AGBL4: variants seen among roughly 807,000 people sequenced by gnomAD.
AGBL4 encodes cytosolic carboxypeptidase 6.
A neutral mutation model predicts 66.4 loss-of-function variants in AGBL4; 58 were observed. That is an observed-to-expected ratio of 0.87 (90% CI 0.71 to 1.09). The LOEUF is 1.09. Ranked by LOEUF, AGBL4 falls within the 50% of genes least tolerant of loss-of-function variation. The pLI, the probability that AGBL4 is intolerant of heterozygous loss-of-function variation, is 0.00. For synonymous variants in AGBL4, 234 were observed against 222.9 expected, an observed-to-expected ratio of 1.05 and a Z score of -0.44; for missense variants, 579 against 631.0, an observed-to-expected ratio of 0.92 and a Z score of 0.88.
At chr1:49,006,219 G>T (rs1365488015) in intron 5 of AGBL4, among the ~76,000 whole-genome samples, 3 of 152,130 alleles carry the variant, frequency 2.0e-5, no homozygotes, top group Non-Finnish European at 2.9e-5. Flanking sequence ...CTCGGGAAGC[G>T]CAAGGGGTCA....
At chr1:48,725,846 C>T (rs1647238157) in intron 6 of AGBL4, among the ~76,000 whole-genome samples, 5 of 152,152 alleles carry the variant, frequency 3.3e-5, no homozygotes, top group Non-Finnish European at 1.5e-5. Flanking sequence ...TGAAGCCTCC[C>T]GATTACATCA....
intron 5 of AGBL4, among the ~76,000 whole-genome samples, chr1:48,871,158 T>C (rs1648615043): frequency 1.3e-5 from 2 of 152,100 alleles, no homozygotes. Context: ...CATAAAGAAT[T>C]ACCAAATTAT....
At chr1:49,261,539 T>C (rs1444857293) in intron 3 of AGBL4, among the ~76,000 whole-genome samples, 1 of 150,038 alleles carries the variant, frequency 6.7e-6, no homozygotes, top group Non-Finnish European at 1.5e-5. Context: ...AGCCAAATCA[T>C]GAGTGAACTC....
intron 6 of AGBL4, among the ~76,000 whole-genome samples, chr1:48,831,599 C>T (rs893190016): frequency 1.3e-4 from 20 of 152,106 alleles, no homozygotes; most frequent in African/African-American, 4.8e-4. Context: ...ACAATGTATC[C>T]TTTGTTTCTG....
chr1:49,595,145 G>A (rs1257575500), intron 3 of AGBL4, among the ~76,000 whole-genome samples: 1 of 152,116 alleles, frequency 6.6e-6, no homozygotes, highest in East Asian at 1.9e-4. Flanking sequence ...CTGGAGTGCA[G>A]TGGCACGATC....
At chr1:48,874,022 G>C (rs577505871) in intron 5 of AGBL4, among the ~76,000 whole-genome samples, 1 of 152,086 alleles carries the variant, frequency 6.6e-6, no homozygotes, top group Non-Finnish European at 1.5e-5. Context: ...TCTGTGTTTC[G>C]TGCAAGATAG....
chr1:48,832,340 C>A (rs1021539856), intron 6 of AGBL4, among the ~76,000 whole-genome samples: 2 of 152,168 alleles, frequency 1.3e-5, no homozygotes, highest in African/African-American at 4.8e-5. Context: ...GTTGATGGAC[C>A]TGCCGTGTGA....
chr1:49,340,382 G>T (rs1228663416), intron 3 of AGBL4, among the ~76,000 whole-genome samples: 8 of 152,022 alleles, frequency 5.3e-5, no homozygotes, highest in Admixed American at 5.3e-4. Flanking sequence ...TCACTATTTA[G>T]CCTCTAGTGT....
chr1:48,590,233 C>T (rs932075500), intron 10 of AGBL4, among the ~76,000 whole-genome samples: 3 of 151,926 alleles, frequency 2.0e-5, no homozygotes, highest in East Asian at 1.9e-4. Context: ...GGAGAAACCC[C>T]GTCTCTACTA....
chr1:49,610,893 A>T (rs1186211684), intron 3 of AGBL4, among the ~76,000 whole-genome samples: 1 of 152,254 alleles, frequency 6.6e-6, no homozygotes, highest in Admixed American at 6.5e-5. Context: ...GGCTGGAAAT[A>T]GATGGCAAAT....
chr1:48,862,345 T>C (rs1647554300), intron 6 of AGBL4, among the ~76,000 whole-genome samples: 1 of 152,214 alleles, frequency 6.6e-6, no homozygotes, highest in Non-Finnish European at 1.5e-5. Flanking sequence ...AAATTTTTTA[T>C]ATTTTTTTGA....
intron 6 of AGBL4, among the ~76,000 whole-genome samples, chr1:48,738,877 C>T (rs1649478024): frequency 6.6e-6 from 1 of 152,020 alleles, no homozygotes; most frequent in Non-Finnish European, 1.5e-5. Context: ...TCATAATGAC[C>T]TTAAGAGATG....
chr1:48,810,127 A>G (rs1646015822), intron 6 of AGBL4, among the ~76,000 whole-genome samples: 1 of 152,168 alleles, frequency 6.6e-6, no homozygotes, highest in Non-Finnish European at 1.5e-5. Context: ...TCACTCAACC[A>G]ATCAACTAAT....
chr1:48,901,664 C>T (rs1291932138), intron 5 of AGBL4, among the ~76,000 whole-genome samples: 2 of 152,118 alleles, frequency 1.3e-5, no homozygotes, highest in African/African-American at 4.8e-5. Context: ...TTAGAAAATG[C>T]TGTATAATTC....
chr1:49,503,569 G>A (rs1275213577), intron 3 of AGBL4, among the ~76,000 whole-genome samples: 8 of 152,144 alleles, frequency 5.3e-5, no homozygotes, highest in Non-Finnish European at 2.9e-5. Context: ...GATGGATGCT[G>A]TACCCTGCAA....
chr1:50,000,907 G>C (rs920711564), intron 1 of AGBL4, among the ~76,000 whole-genome samples: 64 of 152,202 alleles, frequency 4.2e-4, no homozygotes, highest in African/African-American at 1.5e-3. Flanking sequence ...GGGACTCAGG[G>C]GGAAGGGTGG....
intron 3 of AGBL4, among the ~76,000 whole-genome samples, chr1:49,666,005 T>C (rs1290892277): frequency 6.6e-6 from 1 of 151,670 alleles, no homozygotes; most frequent in Admixed American, 6.6e-5. Context: ...TTTTAAAATT[T>C]TTAAAAAATT....
At chr1:48,840,404 A>C (rs1646772584) in intron 6 of AGBL4, among the ~76,000 whole-genome samples, 1 of 152,170 alleles carries the variant, frequency 6.6e-6, no homozygotes, top group South Asian at 2.1e-4. Context: ...TTTAAAATGG[A>C]ATAATTAATA....
intron 4 of AGBL4, among the ~76,000 whole-genome samples, chr1:49,112,721 C>G (rs1319117989): frequency 6.6e-6 from 1 of 152,170 alleles, no homozygotes. Context: ...CAATAAGAAG[C>G]AACTCCTCAT....
Sources: allele counts gnomAD v4.1 joint callset (sites outside exome capture counted in the v4.1 genomes callset), GRCh38; gene constraint gnomAD v4.1.1; transcripts MANE v1.5; gene names NCBI Gene and HGNC (gene_info 2026-07-23, HGNC 2026-07-21).